The following FMN1 variants were observed in gnomAD, a reference collection of about 807,000 sequenced individuals.
FMN1 encodes formin 1.
FMN1 carries 110 observed loss-of-function variants against 132.4 expected under a neutral mutation model. The observed-to-expected ratio is 0.83, with a 90% CI of 0.71 to 0.97. FMN1 has a LOEUF of 0.97. Ranked by LOEUF, FMN1 falls within the 50% of genes least tolerant of loss-of-function variation. The pLI is 0.00. For synonymous variants in FMN1, 722 were observed against 651.7 expected, an observed-to-expected ratio of 1.11 and a Z score of -1.64; for missense variants, 1,792 against 1,705.3, an observed-to-expected ratio of 1.05 and a Z score of -0.90.
At chr15:33,108,604 T>A (rs8027856) in intron 4 of FMN1, among the ~76,000 whole-genome samples, 26,344 of 151,972 alleles carry the variant, frequency 0.17, 3,381 homozygotes, top group East Asian at 0.61. Context: ...AAGGCTACTA[T>A]ATAATGAAAA....
Position 33,046,718 on chromosome 15 carries a change from G to C in FMN1, c.2161+18239C>G, listed in dbSNP as rs542861028. Among the ~76,000 whole-genome samples the C allele has an allele frequency of 3.3e-5, 5 of 151,716 alleles. No homozygotes were observed. In the East Asian group the frequency reaches 7.8e-4, roughly 24 times the overall value. On this transcript the variant is annotated intron_variant, in intron 6 of 20. Transcript: ENST00000616417. ...AGAAACCTGACATACTGGCAAAAACGATAAGAATTTCTTACAAGTCAGACT... is the reference window on the plus strand; with the variant it reads ...AGAAACCTGACATACTGGCAAAAACCATAAGAATTTCTTACAAGTCAGACT...
intron 4 of FMN1, among the ~76,000 whole-genome samples, chr15:33,127,535 TAA>T (rs1963211496): frequency 2.0e-5 from 3 of 152,320 alleles, no homozygotes; most frequent in Middle Eastern, 3.4e-3. Flanking sequence ...TCAACCTGAA[TAA>T]AGTTTTTAAA....
At chr15:33,007,093 T>C (rs1267047187) in intron 7 of FMN1, among the ~76,000 whole-genome samples, 1 of 152,154 alleles carries the variant, frequency 6.6e-6, no homozygotes, top group African/African-American at 2.4e-5. Context: ...TGTGAGGCAA[T>C]GTATGTGAGA....
chr15:32,911,845 A>G (rs577133563), intron 10 of FMN1, among the ~76,000 whole-genome samples: 27 of 152,260 alleles, frequency 1.8e-4, no homozygotes, highest in Middle Eastern at 3.4e-3. Context: ...TGAAACCAGT[A>G]AAGAAAAATG....
At chr15:32,958,407 C>CAA (rs1489451844) in intron 9 of FMN1, among the ~76,000 whole-genome samples, 1 of 152,134 alleles carries the variant, frequency 6.6e-6, no homozygotes, top group Non-Finnish European at 1.5e-5. Flanking sequence ...TAAAAGTGTA[C>CAA]AAACCCCTAC....
intron 7 of FMN1, among the ~76,000 whole-genome samples, chr15:32,974,412 A>G (rs948581071): frequency 6.6e-6 from 1 of 152,210 alleles, no homozygotes; most frequent in African/African-American, 2.4e-5. Flanking sequence ...CTGTTATAAT[A>G]TATGTCCATC....
chr15:32,870,497 G>A (rs1169005785), intron 16 of FMN1, among the ~76,000 whole-genome samples: 1 of 152,188 alleles, frequency 6.6e-6, no homozygotes, highest in Non-Finnish European at 1.5e-5. Context: ...AGGGCCAAGT[G>A]AGGACATGCT....
intron 9 of FMN1, among the ~76,000 whole-genome samples, chr15:32,952,037 C>T (rs545249033): frequency 3.3e-5 from 5 of 152,208 alleles, no homozygotes; most frequent in African/African-American, 1.2e-4. Context: ...TAGGTATGAA[C>T]TCTCTGTGCA....
intron 17 of FMN1, among the ~76,000 whole-genome samples, chr15:32,849,572 C>T (rs568049041): frequency 8.1e-6 from 1 of 123,016 alleles, no homozygotes; most frequent in South Asian, 3.0e-4. Context: ...AAAACATACG[C>T]TCTTTGCAGG....
chr15:33,100,624 CAGA>C (rs1020060102), intron 4 of FMN1, among the ~76,000 whole-genome samples: 11 of 152,142 alleles, frequency 7.2e-5, no homozygotes, highest in African/African-American at 2.4e-4. Flanking sequence ...TTTGGTTTTA[CAGA>C]AGAAGTTTTC....
At chr15:32,797,708 G>C (rs553331384) in intron 19 of FMN1, among the ~76,000 whole-genome samples, 1 of 152,128 alleles carries the variant, frequency 6.6e-6, no homozygotes, top group South Asian at 2.1e-4. Flanking sequence ...AACTTCCTTG[G>C]AAAGAAAGAA....
intron 5 of FMN1, among the ~76,000 whole-genome samples, chr15:33,065,939 C>T (rs2037705228): frequency 6.6e-6 from 1 of 152,104 alleles, no homozygotes; most frequent in South Asian, 2.1e-4. Flanking sequence ...CCTCATTTTG[C>T]ACATGAGGAG....
intron 16 of FMN1, among the ~76,000 whole-genome samples, chr15:32,883,704 A>C (rs1289924695): frequency 1.3e-5 from 2 of 152,048 alleles, no homozygotes; most frequent in Non-Finnish European, 2.9e-5. Flanking sequence ...CTTTCTTCTT[A>C]AAGTACCTTT....
intron 4 of FMN1, among the ~76,000 whole-genome samples, chr15:33,134,205 T>C (rs903535831): frequency 6.6e-6 from 1 of 152,196 alleles, no homozygotes; most frequent in African/African-American, 2.4e-5. Flanking sequence ...TGTCTCGGCC[T>C]CTTAAAGAGC....
intron 10 of FMN1, among the ~76,000 whole-genome samples, chr15:32,916,974 G>T (rs2060699947): frequency 6.6e-6 from 1 of 152,106 alleles, no homozygotes; most frequent in South Asian, 2.1e-4. Flanking sequence ...AACCTACTCC[G>T]TGACCTCTAC....
At chr15:32,888,739 TG>T (rs1389747879) in intron 15 of FMN1, among the ~76,000 whole-genome samples, 1 of 152,178 alleles carries the variant, frequency 6.6e-6, no homozygotes, top group Non-Finnish European at 1.5e-5. Flanking sequence ...GGCACTGCAA[TG>T]GAAGATACAA....
At chr15:32,913,728 C>T (rs1002927822) in intron 10 of FMN1, among the ~76,000 whole-genome samples, 1 of 152,174 alleles carries the variant, frequency 6.6e-6, no homozygotes, top group Non-Finnish European at 1.5e-5. Context: ...GTTTCCTTCT[C>T]CCAGTAGACT....
At chr15:33,001,019 A>G (rs2034070868) in intron 7 of FMN1, among the ~76,000 whole-genome samples, 1 of 152,218 alleles carries the variant, frequency 6.6e-6, no homozygotes, top group Non-Finnish European at 1.5e-5. Context: ...ACAGTGGCTC[A>G]TGCCTGTAAT....
chr15:32,949,308 G>A (rs1443111070), intron 9 of FMN1, among the ~76,000 whole-genome samples: 1 of 152,110 alleles, frequency 6.6e-6, no homozygotes, highest in Non-Finnish European at 1.5e-5. Context: ...CAAGGCTACA[G>A]TAACCAAAAG....
Sources: gnomAD v4.1 joint callset for allele counts (sites outside exome capture counted in the v4.1 genomes callset) on GRCh38, gnomAD v4.1.1 for gene constraint, MANE v1.5 for transcripts, NCBI Gene and HGNC (gene_info 2026-07-23, HGNC 2026-07-21) for gene names.